ADK: variants seen among roughly 807,000 people sequenced by gnomAD.
The protein encoded by ADK is N6,N6-dimethyladenosine kinase.
Under a neutral mutation model 44.7 loss-of-function variants are expected in ADK, and 24 were observed. The ratio of observed to expected loss-of-function variants is 0.54; its 90% confidence interval spans 0.39 to 0.76. The LOEUF (loss-of-function observed/expected upper bound fraction) is 0.76. Ranked by LOEUF, ADK falls within the 30% of genes least tolerant of loss-of-function variation. The probability of loss-of-function intolerance (pLI) is 0.00; values close to 1 mark genes in which losing one functional copy is unlikely to be tolerated. For missense variants in ADK, 321 were observed against 425.1 expected, an observed-to-expected ratio of 0.76 and a Z score of 2.15; for synonymous variants, 128 against 142.6, an observed-to-expected ratio of 0.90 and a Z score of 0.73.
intron 2 of ADK, among the ~76,000 whole-genome samples, chr10:74,210,689 G>A (rs929528723): frequency 1.3e-5 from 2 of 152,088 alleles, no homozygotes; most frequent in Admixed American, 6.6e-5. Context: ...TTTTAGTGCT[G>A]ATTATTCAGT....
intron 6 of ADK, among the ~76,000 whole-genome samples, chr10:74,521,480 A>C: frequency 6.6e-6 from 1 of 152,114 alleles, no homozygotes; most frequent in Non-Finnish European, 1.5e-5. Flanking sequence ...CACAGATCAA[A>C]TTTTCAGTCT....
At chr10:74,527,344 C>T (rs1356466336) in intron 7 of ADK, among the ~76,000 whole-genome samples, 4 of 149,550 alleles carry the variant, frequency 2.7e-5, no homozygotes, top group African/African-American at 7.5e-5. Flanking sequence ...CTGGACAGAG[C>T]GAGACTCCGT....
At chr10:74,169,992 C>T (rs928869660) in intron 1 of ADK, among the ~76,000 whole-genome samples, 4 of 152,162 alleles carry the variant, frequency 2.6e-5, no homozygotes, top group Non-Finnish European at 5.9e-5. Context: ...GTCCAGGATT[C>T]GAATCCCTTC....
intron 6 of ADK, among the ~76,000 whole-genome samples, chr10:74,400,026 T>C (rs1843655462): frequency 6.6e-6 from 1 of 152,102 alleles, no homozygotes; most frequent in Non-Finnish European, 1.5e-5. Flanking sequence ...AGACAACTCA[T>C]AGTTTTAGCA....
At chr10:74,379,807 C>T (rs900101470) in intron 4 of ADK, among the ~76,000 whole-genome samples, 5 of 152,170 alleles carry the variant, frequency 3.3e-5, no homozygotes, top group Admixed American at 3.3e-4. Flanking sequence ...AGGAGGATAA[C>T]TTGAGGCCAG....
At chr10:74,391,117 T>C (rs1371436128) in intron 4 of ADK, among the ~76,000 whole-genome samples, 1 of 152,172 alleles carries the variant, frequency 6.6e-6, no homozygotes, top group Non-Finnish European at 1.5e-5. Flanking sequence ...TAAATAAAGT[T>C]TGATTTATTT....
chr10:74,628,556 G>T lies in ADK; in HGVS notation c.877+28063G>T, dbSNP rs146009746. Among the ~76,000 whole-genome samples, 169 of 151,680 alleles carry T rather than the reference G, an allele frequency of 1.1e-3. 1 individual carries two copies. The highest frequency in any genetic ancestry group is 3.4e-3 in the Middle Eastern group (1 of 294). On this transcript the variant is annotated intron_variant, in intron 9 of 10. Coordinates refer to ENST00000539909, the MANE Select transcript of ADK (RefSeq NM_006721.4). ...ATTAAGTTTTTTTCAGGTCCTGCTG[G>T]CTCCACTTTACTGACTGCTATTCAA...
intron 3 of ADK, among the ~76,000 whole-genome samples, chr10:74,229,208 T>G (rs1046666264): frequency 1.3e-5 from 2 of 152,122 alleles, no homozygotes; most frequent in Non-Finnish European, 2.9e-5. Context: ...ATAAATAAAT[T>G]ATGCAATAGG....
intron 3 of ADK, among the ~76,000 whole-genome samples, chr10:74,265,785 T>A: frequency 6.6e-6 from 1 of 152,172 alleles, no homozygotes; most frequent in Non-Finnish European, 1.5e-5. Flanking sequence ...TGTATGAAAA[T>A]ATTTTTTTAA....
At chr10:74,216,881 G>A (rs7922635) in intron 2 of ADK, among the ~76,000 whole-genome samples, 7,526 of 152,216 alleles carry the variant, frequency 0.049, 651 homozygotes, top group African/African-American at 0.17. Context: ...AATAAAAAGT[G>A]AGAGGAGCCC....
In ADK at chr10:74,495,609, C is replaced by T. The variant is rs374336594; in HGVS notation, c.556-29647C>T. ...GGGCTATTTGGTATGTAAGTGTTCA[C>T]ATAACCAGCCCAGCCTGTTCTTAGT... On this transcript the variant is annotated intron_variant, in intron 6 of 10. Coordinates refer to ENST00000539909, the MANE Select transcript of ADK (RefSeq NM_006721.4). 2.2e-4 allele frequency among the ~76,000 whole-genome samples: 34 copies of T among 152,318 alleles called. 1 individual carries two copies. The highest frequency in any genetic ancestry group is 6.8e-3 in the Middle Eastern group (2 of 294).
chr10:74,665,632 G>A (rs902483881), intron 9 of ADK, among the ~76,000 whole-genome samples: 6 of 152,202 alleles, frequency 3.9e-5, no homozygotes, highest in Admixed American at 1.3e-4. Context: ...CTGCTCAGGA[G>A]GCTGAGGCAG....
intron 6 of ADK, among the ~76,000 whole-genome samples, chr10:74,417,843 G>C (rs929200713): frequency 6.6e-6 from 1 of 151,594 alleles, no homozygotes; most frequent in Non-Finnish European, 1.5e-5. Context: ...TTCAAAAATA[G>C]TGATAAGCAT....
At chr10:74,498,642 C>T (rs1847779713) in intron 6 of ADK, among the ~76,000 whole-genome samples, 2 of 152,206 alleles carry the variant, frequency 1.3e-5, no homozygotes, top group Admixed American at 1.3e-4. Context: ...TGTCATTTAA[C>T]ATTAGGTTTA....
chr10:74,540,628 G>A (rs1226543976), intron 7 of ADK, among the ~76,000 whole-genome samples: 1 of 151,832 alleles, frequency 6.6e-6, no homozygotes, highest in Non-Finnish European at 1.5e-5. Context: ...CTCAGCTAAT[G>A]TTTGTATTTT....
At chr10:74,461,385 A>T (rs1846167754) in intron 6 of ADK, among the ~76,000 whole-genome samples, 1 of 152,038 alleles carries the variant, frequency 6.6e-6, no homozygotes, top group Non-Finnish European at 1.5e-5. Context: ...GGGTTTGATT[A>T]TTTTGGCAAG....
At chr10:74,300,315 C>CTTCCTTCT (rs1839979934) in intron 3 of ADK, among the ~76,000 whole-genome samples, 1 of 102,280 alleles carries the variant, frequency 9.8e-6, no homozygotes, top group African/African-American at 3.9e-5. Flanking sequence ...TCCTTCTTTC[C>CTTCCTTCT]TTCCTTCCTT....
intron 6 of ADK, among the ~76,000 whole-genome samples, chr10:74,403,720 C>G (rs1268154846): frequency 6.6e-6 from 1 of 152,178 alleles, no homozygotes; most frequent in Admixed American, 6.5e-5. Flanking sequence ...CCCCGCCCTG[C>G]TTTGGCTCAC....
At chr10:74,381,577 C>A (rs902181829) in intron 4 of ADK, among the ~76,000 whole-genome samples, 2 of 152,158 alleles carry the variant, frequency 1.3e-5, no homozygotes. Flanking sequence ...GAATTGAATC[C>A]TTTTTGAATG....
Sources: allele counts gnomAD v4.1 joint callset (sites outside exome capture counted in the v4.1 genomes callset), GRCh38; gene constraint gnomAD v4.1.1; transcripts MANE v1.5; gene names NCBI Gene and HGNC (gene_info 2026-07-23, HGNC 2026-07-21).